FMNL2: variants seen among roughly 807,000 people sequenced by gnomAD.
FMNL2 encodes the protein formin like 2, also known as formin-like protein 2.
Under a neutral mutation model 130.2 loss-of-function variants are expected in FMNL2, and 51 were observed. The ratio of observed to expected loss-of-function variants is 0.39; its 90% confidence interval spans 0.31 to 0.49. The LOEUF is 0.49. FMNL2 is among the 20% of genes least tolerant of loss of function. FMNL2 has a pLI of 0.85. For missense variants in FMNL2, 977 were observed against 1,316.2 expected, an observed-to-expected ratio of 0.74 and a Z score of 3.99; for synonymous variants, 465 against 467.1, an observed-to-expected ratio of 1.00 and a Z score of 0.06.
At chr2:152,581,099 G>T in intron 9 of FMNL2, 50 bp downstream of exon 9, 3 of 1,512,224 alleles carry the variant, frequency 2.0e-6, no homozygotes, top group Non-Finnish European at 1.8e-6. Context: ...CTTACATTTG[G>T]ACATCTTTGA....
intron 9 of FMNL2, among the ~76,000 whole-genome samples, chr2:152,585,645 G>A (rs1387447062): frequency 6.6e-6 from 1 of 152,128 alleles, no homozygotes; most frequent in Non-Finnish European, 1.5e-5. Flanking sequence ...ACCATTTGGG[G>A]TTCTGGTCAT....
At chr2:152,364,259 G>GTTTTTTTTTTTTTTTTTTTTTTTTT (rs1163993397) in intron 1 of FMNL2, among the ~76,000 whole-genome samples, 1 of 100,766 alleles carries the variant, frequency 9.9e-6, no homozygotes, top group Admixed American at 1.1e-4. Flanking sequence ...GGAGGTTTGT[G>GTTTTTTTTTTTTTTTTTTTTTTTTT]TGTTTTTTTT....
intron 25 of FMNL2, among the ~76,000 whole-genome samples, chr2:152,641,518 G>A (rs909271515): frequency 3.9e-5 from 6 of 152,330 alleles, no homozygotes; most frequent in Middle Eastern, 3.4e-3. Flanking sequence ...GCACTAGTAG[G>A]AGAGGCAGCA....
At chr2:152,485,126 G>A (rs2105254149) in intron 1 of FMNL2, among the ~76,000 whole-genome samples, 1 of 152,324 alleles carries the variant, frequency 6.6e-6, no homozygotes, top group East Asian at 1.9e-4. Context: ...TGGGAGGATT[G>A]CATGAGCTTA....
At position 152,335,335 on chromosome 2, in the gene FMNL2, T is replaced by A. The variant is rs1681329889; in HGVS notation, c.-269T>A. The stretch of plus-strand genomic sequence containing the variant: ...GTGTGCCAGCGGAGCACCATGCACA[T>A]AGGCGCCCAGCGCCCCAACTACCCC... On this transcript the variant is annotated 5_prime_UTR_variant, in exon 1 of 26. Coordinates refer to ENST00000288670, the MANE Select transcript of FMNL2 (RefSeq NM_052905.4). The A allele has an allele frequency of 4.8e-6, 1 of 208,280 alleles. No homozygotes were observed. Among genetic ancestry groups the A allele is most frequent in the Non-Finnish European group, 9.4e-6 (1 of 106,594 alleles). The allele number at this position is 208,280 out of a possible 1,614,324, so 12.9% of individuals were successfully genotyped here.
chr2:152,455,600 G>A (rs1008030178), intron 1 of FMNL2, among the ~76,000 whole-genome samples: 19 of 152,164 alleles, frequency 1.2e-4, no homozygotes, highest in Non-Finnish European at 4.4e-5. Context: ...ACAAAATAAA[G>A]ATGAATACAA....
intron 10 of FMNL2, among the ~76,000 whole-genome samples, chr2:152,608,523 C>G (rs1016281418): frequency 6.8e-6 from 1 of 147,632 alleles, no homozygotes. Context: ...GTGTGTGTGT[C>G]TATATATATA....
At chr2:152,391,913 T>TG (rs1183902386) in intron 1 of FMNL2, among the ~76,000 whole-genome samples, 1 of 144,952 alleles carries the variant, frequency 6.9e-6, no homozygotes, top group African/African-American at 2.5e-5. Context: ...AAGTTGTTTT[T>TG]TTTTTTTTTT....
In FMNL2 at chr2:152,618,826, G is replaced by C. The variant is rs755151590; in HGVS notation, c.1315-20G>C. On this transcript the variant is annotated intron_variant, in intron 13 of 25. Coordinates refer to ENST00000288670, the MANE Select transcript of FMNL2 (RefSeq NM_052905.4). ...GAATGTTATGTGAAGATAAACTCTTGACCTTGGACTTTATTGCAGGAAATC... is the reference window on the plus strand; with the variant it reads ...GAATGTTATGTGAAGATAAACTCTTCACCTTGGACTTTATTGCAGGAAATC... The C allele has an allele frequency of 6.4e-7, 1 of 1,559,012 alleles. No individual in the cohort carries two copies. Among genetic ancestry groups the C allele is most frequent in the Non-Finnish European group, 8.7e-7 (1 of 1,154,300 alleles).
chr2:152,573,311 CCAGGATGA>C (rs1158784166), intron 6 of FMNL2, among the ~76,000 whole-genome samples: 3 of 152,088 alleles, frequency 2.0e-5, no homozygotes, highest in African/African-American at 7.2e-5. Flanking sequence ...GAAAATGCTG[CCAGGATGA>C]CAGGATGTGA....
At chr2:152,352,446 C>T (rs1682549380) in intron 1 of FMNL2, among the ~76,000 whole-genome samples, 1 of 152,152 alleles carries the variant, frequency 6.6e-6, no homozygotes, top group African/African-American at 2.4e-5. Flanking sequence ...AAAAGCCGTG[C>T]TCCTAACATT....
chr2:152,438,000 A>G (rs1441759121), intron 1 of FMNL2, among the ~76,000 whole-genome samples: 2 of 152,220 alleles, frequency 1.3e-5, no homozygotes, highest in African/African-American at 4.8e-5. Context: ...AAATTTGGAC[A>G]GGATAAATAA....
intron 23 of FMNL2, 86 bp downstream of exon 23, chr2:152,637,760 C>A: frequency 8.4e-7 from 1 of 1,187,900 alleles, no homozygotes; most frequent in Non-Finnish European, 1.2e-6. Flanking sequence ...CTGCAGAGGC[C>A]TCCCAGTTCC....
At chr2:152,605,307 C>T (rs186572070) in intron 9 of FMNL2, among the ~76,000 whole-genome samples, 8 of 148,276 alleles carry the variant, frequency 5.4e-5, no homozygotes, top group Non-Finnish European at 7.4e-5. Flanking sequence ...TGTGCGTGTG[C>T]GTGTGTGTGT....
rs149086757 is a variant in FMNL2 at position 152,494,283 on chromosome 2, A to G, written c.118-27660A>G. Among the ~76,000 whole-genome samples the G allele has an allele frequency of 3.8e-3, 581 of 152,298 alleles. 4 individuals are homozygous for G. Among genetic ancestry groups the G allele is most frequent in the African/African-American group, 0.013 (553 of 41,556 alleles). Reference sequence around the variant, plus strand: ...GAAGGCATTTGACCTCTGTTATTGTATTTAGTGTTTCAACCTCAGCATCTG... The same window carrying G: ...GAAGGCATTTGACCTCTGTTATTGTGTTTAGTGTTTCAACCTCAGCATCTG... On this transcript the variant is annotated intron_variant, in intron 1 of 25. Transcript: ENST00000288670.
chr2:152,439,959 C>T (rs77250794), intron 1 of FMNL2, among the ~76,000 whole-genome samples: 3 of 151,616 alleles, frequency 2.0e-5, no homozygotes, highest in East Asian at 1.9e-4. Context: ...AGGACCTTAA[C>T]CACCAGTAGA....
chr2:152,487,086 C>T (rs375735211), intron 1 of FMNL2, among the ~76,000 whole-genome samples: 1 of 152,166 alleles, frequency 6.6e-6, no homozygotes. Flanking sequence ...CCATGTTAGG[C>T]AGTTTTGTAA....
chr2:152,384,477 G>C (rs1282977564), intron 1 of FMNL2, among the ~76,000 whole-genome samples: 1 of 152,162 alleles, frequency 6.6e-6, no homozygotes, highest in Non-Finnish European at 1.5e-5. Context: ...AACTCAGCTG[G>C]TGGGGAGATA....
At chr2:152,630,631 A>G (rs1303175223) in intron 20 of FMNL2, among the ~76,000 whole-genome samples, 2 of 152,152 alleles carry the variant, frequency 1.3e-5, no homozygotes, top group Non-Finnish European at 2.9e-5. Context: ...GGAGCTAGTT[A>G]TTTAATATGG....
Sources: gnomAD v4.1 joint callset for allele counts (sites outside exome capture counted in the v4.1 genomes callset) on GRCh38, gnomAD v4.1.1 for gene constraint, MANE v1.5 for transcripts, NCBI Gene and HGNC (gene_info 2026-07-23, HGNC 2026-07-21) for gene names.